The following EFCAB5 variants were observed in gnomAD, a reference collection of about 807,000 sequenced individuals.
EFCAB5 encodes EF-hand calcium binding domain 5.
Under a neutral mutation model 167.9 loss-of-function variants are expected in EFCAB5, and 131 were observed. The observed-to-expected ratio is 0.78, with a 90% CI of 0.68 to 0.90. EFCAB5 has a LOEUF of 0.90. Among genes scored for constraint, EFCAB5 ranks in the 40% least tolerant of loss-of-function variants. EFCAB5 has a pLI of 0.00. For synonymous variants in EFCAB5, 574 were observed against 602.8 expected (o/e 0.95, Z 0.70); for missense variants, 1,663 against 1,745.2 (o/e 0.95, Z 0.84).
At chr17:30,064,184 T>G (rs2070499823) in intron 14 of EFCAB5, among the ~76,000 whole-genome samples, 1 of 152,148 alleles carries the variant, frequency 6.6e-6, no homozygotes, top group East Asian at 1.9e-4. Flanking sequence ...AGGAAATTAA[T>G]TAATTGCCAG....
chr17:30,031,459 A>G (rs927234298), intron 7 of EFCAB5, among the ~76,000 whole-genome samples: 1 of 152,236 alleles, frequency 6.6e-6, no homozygotes, highest in African/African-American at 2.4e-5. Context: ...TTTAATGAAG[A>G]AGATGTTCTT....
At chr17:30,080,421 G>A (rs772136402) in intron 16 of EFCAB5, among the ~76,000 whole-genome samples, 180 bp downstream of exon 16, 17 of 152,140 alleles carry the variant, frequency 1.1e-4, no homozygotes, top group Admixed American at 2.6e-4. Flanking sequence ...TCTAGAGCTC[G>A]CTCTTTGGTA....
chr17:30,056,097 A>C lies in EFCAB5; in HGVS notation c.2306A>C (p.Tyr769Ser), dbSNP rs1200426440. ...TTTACTTGTAACTGGAAAATGAAGTATGTCACATTTGAAGATGAGGAACAG... is the reference window on the plus strand; with the variant it reads ...TTTACTTGTAACTGGAAAATGAAGTCTGTCACATTTGAAGATGAGGAACAG... ...EFFTCNWKMK[Y>S]VTFEDEEQAN... is the part of the protein sequence containing the mutation. The change falls in exon 12 of 23, where the codon TAT becomes TCT. Residue 769 changes from tyrosine (Y) to serine (S), a missense_variant. Tyr to Ser is a moderately radical substitution (Grantham distance 144). Transcript: ENST00000394835. 4.3e-6 allele frequency: 7 copies of C among 1,612,496 alleles called. No individual in the cohort carries two copies. Among genetic ancestry groups the C allele is most frequent in the Non-Finnish European group, 5.1e-6 (6 of 1,179,182 alleles).
chr17:29,991,531 T>C (rs1329995889), intron 4 of EFCAB5, among the ~76,000 whole-genome samples: 2 of 152,242 alleles, frequency 1.3e-5, no homozygotes, highest in Non-Finnish European at 2.9e-5. Context: ...AGCAGGAACA[T>C]GTCCTTAAGG....
chr17:30,010,968 G>C (rs1183445791), intron 7 of EFCAB5, among the ~76,000 whole-genome samples: 2 of 152,136 alleles, frequency 1.3e-5, no homozygotes, highest in Non-Finnish European at 2.9e-5. Context: ...AATCCATCTT[G>C]AATTAATTTT....
At chr17:30,096,678 T>TATATATATATATA (rs1491331465) in intron 22 of EFCAB5, among the ~76,000 whole-genome samples, 1 of 40,764 alleles carries the variant, frequency 2.5e-5, no homozygotes, top group African/African-American at 1.4e-4. Context: ...TATATATATA[T>TATATATATATATA]TTTTTTTTTT....
chr17:30,092,548 C>A (rs1020422337), intron 21 of EFCAB5, among the ~76,000 whole-genome samples: 1 of 152,120 alleles, frequency 6.6e-6, no homozygotes, highest in Non-Finnish European at 1.5e-5. Context: ...CCACCACGCC[C>A]AGCTAATTTT....
At chr17:30,061,679 G>C (rs2070430185) in intron 14 of EFCAB5, among the ~76,000 whole-genome samples, 1 of 152,072 alleles carries the variant, frequency 6.6e-6, no homozygotes, top group African/African-American at 2.4e-5. Flanking sequence ...AGGCTCAAAT[G>C]ATCCTCCCAT....
At position 30,053,956 on chromosome 17, in the gene EFCAB5, G is replaced by A. The variant is rs2070181118; in HGVS notation, c.2002G>A (p.Gly668Ser). Residue 668 changes from glycine to serine, a missense_variant, in exon 10 of 23, where the codon GGC becomes AGC. Gly to Ser is a moderately conservative substitution (Grantham distance 56). Transcript: ENST00000394835. The stretch of plus-strand genomic sequence containing the variant: ...AATTTCAGAAGAGCAAGAAGACATA[G>A]GCTCAACTTCACAATCAAGAAAAGA... ...EIISEEQEDI[G>S]STSQSRKDSI... 2.5e-6 allele frequency: 4 copies of A among 1,613,894 alleles called. No individual in the cohort carries two copies. The highest frequency in any genetic ancestry group is 1.3e-5 in the African/African-American group (1 of 75,020).
chr17:30,088,221 C>A (rs551278129), intron 19 of EFCAB5, among the ~76,000 whole-genome samples: 1 of 152,236 alleles, frequency 6.6e-6, no homozygotes, highest in Admixed American at 6.5e-5. Flanking sequence ...CTCCTGGACT[C>A]AAGCTAACCT....
At chr17:30,048,161 A>G (rs191715691) in intron 8 of EFCAB5, among the ~76,000 whole-genome samples, 28 of 152,286 alleles carry the variant, frequency 1.8e-4, no homozygotes, top group Middle Eastern at 3.4e-3. Flanking sequence ...CATAGGTCCA[A>G]TTACTCTGTG....
intron 7 of EFCAB5, among the ~76,000 whole-genome samples, chr17:30,000,989 T>C (rs1327852208): frequency 6.6e-6 from 1 of 152,194 alleles, no homozygotes; most frequent in Non-Finnish European, 1.5e-5. Flanking sequence ...ATAGCCCTTC[T>C]GCCTCAGAGT....
At chr17:30,039,608 G>T (rs1258836750) in intron 8 of EFCAB5, among the ~76,000 whole-genome samples, 1 of 152,194 alleles carries the variant, frequency 6.6e-6, no homozygotes, top group African/African-American at 2.4e-5. Flanking sequence ...TGCTCAGTGG[G>T]TAGATGTCAT....
intron 14 of EFCAB5, among the ~76,000 whole-genome samples, chr17:30,067,197 A>C (rs2070595583): frequency 6.6e-6 from 1 of 152,188 alleles, no homozygotes; most frequent in Non-Finnish European, 1.5e-5. Context: ...ACCAGACAAG[A>C]ACACAACAAC....
chr17:29,947,651 A>C (rs1249492244), intron 3 of EFCAB5, among the ~76,000 whole-genome samples: 1 of 151,976 alleles, frequency 6.6e-6, no homozygotes, highest in Non-Finnish European at 1.5e-5. Context: ...AGCTTCACTA[A>C]CTTCTAAAAA....
chr17:30,107,299 T>C (rs894340198), intron 22 of EFCAB5, among the ~76,000 whole-genome samples: 11 of 152,216 alleles, frequency 7.2e-5, no homozygotes, highest in African/African-American at 2.4e-4. Flanking sequence ...TGCATAGTCA[T>C]TATGAAGCTA....
rs1053556446 is a variant in EFCAB5 at position 30,032,994 on chromosome 17, C to T, written c.1045-1236C>T. Among the ~76,000 whole-genome samples the T allele has an allele frequency of 2.6e-5, 4 of 152,182 alleles. No individual in the cohort carries two copies. In the South Asian group the frequency reaches 8.3e-4, roughly 32 times the overall value. On this transcript the variant is annotated intron_variant, in intron 7 of 22. Transcript: ENST00000394835. Reference sequence around the variant, plus strand: ...TTCCCCCTGGTTCAATCATTTATGGCTATGGAAGTGGGATCATGCAGTGTA... The same window carrying T: ...TTCCCCCTGGTTCAATCATTTATGGTTATGGAAGTGGGATCATGCAGTGTA...
chr17:29,959,766 C>T (rs981303112), intron 3 of EFCAB5, among the ~76,000 whole-genome samples: 6 of 152,046 alleles, frequency 3.9e-5, no homozygotes, highest in African/African-American at 9.7e-5. Context: ...GAGTCTCTGC[C>T]GAAGCTACGA....
In EFCAB5 at chr17:29,971,329, A is replaced by G. The variant is rs552152674; in HGVS notation, c.767+1962A>G. Among the ~76,000 whole-genome samples, 10 of 152,252 alleles carry G rather than the reference A, an allele frequency of 6.6e-5. No homozygotes were observed. In the South Asian group the frequency reaches 1.9e-3, roughly 28 times the overall value. On this transcript the variant is annotated intron_variant, in intron 4 of 22. Coordinates refer to ENST00000394835, the MANE Select transcript of EFCAB5 (RefSeq NM_198529.4). Reference sequence around the variant, plus strand: ...CTAGGGAGGTAACCATTGTCTGCAAATAATAGTAGTTTCCCTTCTTCCTTT... The same window carrying G: ...CTAGGGAGGTAACCATTGTCTGCAAGTAATAGTAGTTTCCCTTCTTCCTTT...
Sources: gnomAD v4.1 joint callset for allele counts (sites outside exome capture counted in the v4.1 genomes callset) on GRCh38, gnomAD v4.1.1 for gene constraint, MANE v1.5 for transcripts, NCBI Gene and HGNC (gene_info 2026-07-23, HGNC 2026-07-21) for gene names.